The following OLA1 variants were observed in gnomAD, a reference collection of about 807,000 sequenced individuals.
The protein encoded by OLA1 is obg-like ATPase 1.
A neutral mutation model predicts 48.4 loss-of-function variants in OLA1; 14 were observed. The ratio of observed to expected loss-of-function variants is 0.29; its 90% CI spans 0.19 to 0.45. The LOEUF is 0.45. Among genes scored for constraint, OLA1 ranks in the 20% least tolerant of loss-of-function variants. The probability of loss-of-function intolerance (pLI) is 1.00; values close to 1 mark genes in which losing one functional copy is unlikely to be tolerated. For missense variants in OLA1, 325 were observed against 467.1 expected (o/e 0.70, Z 2.80); for synonymous variants, 127 against 150.4 (o/e 0.84, Z 1.14).
In OLA1 at chr2:174,078,987, C is replaced by T. The variant is rs1301157964; in HGVS notation, c.1070G>A (p.Gly357Asp). ...CTTTACCTTGACTGCATTTTCAGAA[C>T]CTTCCTCTTTAAAATCTTCGTATTT... The part of the protein sequence containing the change: ...VMKYEDFKEE[G>D]SENAVKAAGK... The change falls in exon 10 of 11, where the codon GGT becomes GAT. Residue 357 changes from glycine (G) to aspartate (D), a missense_variant. By Grantham distance (94) the Gly-to-Asp change is moderately conservative. Coordinates refer to ENST00000284719, the MANE Select transcript of OLA1 (RefSeq NM_013341.5). 13 of 1,602,130 alleles carry T rather than the reference C, an allele frequency of 8.1e-6. No individual in the cohort carries two copies. Among genetic ancestry groups the T allele is most frequent in the South Asian group, 1.1e-5 (1 of 89,266 alleles).
At chr2:174,101,448 T>C (rs1363080465) in intron 7 of OLA1, among the ~76,000 whole-genome samples, 1 of 152,264 alleles carries the variant, frequency 6.6e-6, no homozygotes, top group Non-Finnish European at 1.5e-5. Context: ...GAATATATTT[T>C]TGTAGCTGGT....
chr2:174,184,996 T>C (rs967400412), intron 4 of OLA1, among the ~76,000 whole-genome samples: 4 of 152,194 alleles, frequency 2.6e-5, no homozygotes, highest in African/African-American at 9.7e-5. Flanking sequence ...CAAAATACTA[T>C]GGCTTAACAA....
chr2:174,179,327 A>AC (rs1687482511), intron 4 of OLA1, among the ~76,000 whole-genome samples: 1 of 151,908 alleles, frequency 6.6e-6, no homozygotes, highest in Non-Finnish European at 1.5e-5. Flanking sequence ...ACGTCTCAAA[A>AC]TAGTTATGCA....
At chr2:174,085,707 A>G (rs1357251936) in intron 7 of OLA1, among the ~76,000 whole-genome samples, 1 of 152,092 alleles carries the variant, frequency 6.6e-6, no homozygotes, top group Non-Finnish European at 1.5e-5. Context: ...CCAAAACTTG[A>G]TTTTCCCAGG....
intron 4 of OLA1, among the ~76,000 whole-genome samples, chr2:174,215,212 G>A (rs1020362956): frequency 5.9e-5 from 9 of 152,132 alleles, no homozygotes; most frequent in Admixed American, 1.3e-4. Flanking sequence ...AAAGTGTTCT[G>A]TAGCCATACT....
At chr2:174,227,866 G>A (rs558850048) in intron 3 of OLA1, among the ~76,000 whole-genome samples, 45 of 152,300 alleles carry the variant, frequency 3.0e-4, no homozygotes, top group African/African-American at 1.0e-3. Context: ...ATCAATGGAT[G>A]CTACAACTAG....
At chr2:174,184,118 T>C (rs1434555871) in intron 4 of OLA1, among the ~76,000 whole-genome samples, 1 of 152,208 alleles carries the variant, frequency 6.6e-6, no homozygotes, top group East Asian at 1.9e-4. Context: ...CTGGTGAACA[T>C]GAAAACTAAC....
chr2:174,189,694 A>T (rs66515506), intron 4 of OLA1, among the ~76,000 whole-genome samples: 1 of 152,106 alleles, frequency 6.6e-6, no homozygotes, highest in Non-Finnish European at 1.5e-5. Context: ...ACAAAATGGT[A>T]TAACTCCTAA....
chr2:174,221,899 CT>C (rs1471451582), intron 4 of OLA1, among the ~76,000 whole-genome samples: 1 of 152,118 alleles, frequency 6.6e-6, no homozygotes, highest in African/African-American at 2.4e-5. Context: ...TTAGTTAAAA[CT>C]TCTCTACAAA....
chr2:174,180,600 T>G (rs1382425332), intron 4 of OLA1, among the ~76,000 whole-genome samples: 1 of 152,188 alleles, frequency 6.6e-6, no homozygotes, highest in Non-Finnish European at 1.5e-5. Flanking sequence ...CTAAAGACAG[T>G]CATGCTGCTT....
chr2:174,076,929 A>G (rs1684752955), intron 10 of OLA1, among the ~76,000 whole-genome samples: 1 of 152,102 alleles, frequency 6.6e-6, no homozygotes, highest in Admixed American at 6.6e-5. Flanking sequence ...AAAACTATAT[A>G]GACAATATAA....
chr2:174,218,983 G>A (rs755238213), intron 4 of OLA1, among the ~76,000 whole-genome samples: 7 of 118,394 alleles, frequency 5.9e-5, no homozygotes, highest in African/African-American at 1.1e-4. Context: ...CACCAAGGCC[G>A]GCTAATTTTT....
intron 1 of OLA1, among the ~76,000 whole-genome samples, chr2:174,247,487 G>A (rs528385200): frequency 6.6e-6 from 1 of 152,298 alleles, no homozygotes; most frequent in African/African-American, 2.4e-5. Context: ...ATCTTAACCT[G>A]ATATATGGTT....
chr2:174,229,163 C>T (rs896343903), intron 3 of OLA1, 145 bp downstream of exon 3: 70 of 807,970 alleles, frequency 8.7e-5, no homozygotes, highest in Non-Finnish European at 1.3e-4. Flanking sequence ...TGTGAGCCAC[C>T]GCACCCAGCC....
chr2:174,211,387 C>A (rs1030001585), intron 4 of OLA1, among the ~76,000 whole-genome samples: 1 of 152,146 alleles, frequency 6.6e-6, no homozygotes, highest in Admixed American at 6.5e-5. Flanking sequence ...CCTGGTAGAA[C>A]CACCATGATT....
chr2:174,248,172 G>C (rs1689169463), intron 1 of OLA1: 1 of 161,210 alleles, frequency 6.2e-6, no homozygotes, highest in Non-Finnish European at 1.4e-5. Context: ...CCCACCCAAA[G>C]TGGGCCCCAC....
chr2:174,223,975 T>C (rs1478349949), intron 3 of OLA1, among the ~76,000 whole-genome samples: 1 of 152,172 alleles, frequency 6.6e-6, no homozygotes, highest in African/African-American at 2.4e-5. Flanking sequence ...TATCAATAAA[T>C]AAAAGCTACT....
At chr2:174,133,738 G>A (rs1438183500) in intron 5 of OLA1, among the ~76,000 whole-genome samples, 1 of 152,096 alleles carries the variant, frequency 6.6e-6, no homozygotes, top group Admixed American at 6.5e-5. Context: ...CAGAGAGGTG[G>A]ACTTTTCAAA....
At chr2:174,239,135 TA>T (rs1477077601) in intron 2 of OLA1, among the ~76,000 whole-genome samples, 2 of 152,224 alleles carry the variant, frequency 1.3e-5, no homozygotes, top group Non-Finnish European at 2.9e-5. Context: ...AAATAAGGGA[TA>T]TTTTTTAATC....
Sources: allele counts gnomAD v4.1 joint callset (sites outside exome capture counted in the v4.1 genomes callset), GRCh38; gene constraint gnomAD v4.1.1; transcripts MANE v1.5; gene names NCBI Gene and HGNC (gene_info 2026-07-23, HGNC 2026-07-21).